CDH12: variants seen among roughly 807,000 people sequenced by gnomAD.
CDH12 encodes the protein cadherin-12.
CDH12 carries 41 observed loss-of-function variants against 74.1 expected under a neutral mutation model. The observed-to-expected ratio is 0.55, with a 90% CI of 0.43 to 0.72. The LOEUF (loss-of-function observed/expected upper bound fraction) is 0.72. CDH12 is among the 30% of genes least tolerant of loss of function. The pLI is 0.00. For missense variants in CDH12, 945 were observed against 977.2 expected, an observed-to-expected ratio of 0.97 and a Z score of 0.44; for synonymous variants, 399 against 355.0, an observed-to-expected ratio of 1.12 and a Z score of -1.39.
chr5:21,893,476 C>A (rs1752984009), intron 6 of CDH12, among the ~76,000 whole-genome samples: 3 of 152,132 alleles, frequency 2.0e-5, no homozygotes, highest in African/African-American at 7.2e-5. Context: ...ATTTGTGCAT[C>A]TTTTTCTTGC....
intron 2 of CDH12, among the ~76,000 whole-genome samples, chr5:22,418,079 T>A (rs1166377112): frequency 1.3e-4 from 20 of 152,326 alleles, no homozygotes; most frequent in Non-Finnish European, 1.5e-5. Context: ...CTCCTACCCA[T>A]GAGACTGGAA....
At chr5:22,371,986 C>A (rs1242008111) in intron 3 of CDH12, among the ~76,000 whole-genome samples, 1 of 152,114 alleles carries the variant, frequency 6.6e-6, no homozygotes, top group Non-Finnish European at 1.5e-5. Context: ...ATTCTTAACA[C>A]AAAGTTTGGA....
At chr5:22,582,434 T>G (rs2126785230) in intron 1 of CDH12, among the ~76,000 whole-genome samples, 1 of 152,314 alleles carries the variant, frequency 6.6e-6, no homozygotes, top group African/African-American at 2.4e-5. Flanking sequence ...CCACTTAAAA[T>G]AATGCTGTAA....
In CDH12 at chr5:22,806,158, C is replaced by T. The variant is rs190502526; in HGVS notation, c.-523+46900G>A. 3.2e-3 allele frequency among the ~76,000 whole-genome samples: 487 copies of T among 152,040 alleles called. 2 individuals are homozygous for T. Among genetic ancestry groups the T allele is most frequent in the African/African-American group, 0.011 (458 of 41,440 alleles). On this transcript the variant is annotated intron_variant, in intron 1 of 14. Coordinates refer to ENST00000382254, the MANE Select transcript of CDH12 (RefSeq NM_004061.5). Reference sequence around the variant, plus strand: ...CTTTATAGCAGCATGATTTATAATCCTTTGGATATATACCCAGTAATGGGA... The same window carrying T: ...CTTTATAGCAGCATGATTTATAATCTTTTGGATATATACCCAGTAATGGGA...
chr5:21,840,925 A>G (rs1304869238), intron 8 of CDH12, among the ~76,000 whole-genome samples: 1 of 152,020 alleles, frequency 6.6e-6, no homozygotes, highest in East Asian at 1.9e-4. Flanking sequence ...CCTAGGCATT[A>G]CCATTCAGGA....
At chr5:22,128,490 T>C (rs918563813) in intron 4 of CDH12, among the ~76,000 whole-genome samples, 14 of 152,304 alleles carry the variant, frequency 9.2e-5, no homozygotes, top group African/African-American at 3.4e-4. Context: ...TTTCTACACT[T>C]AAAACACTTC....
intron 10 of CDH12, among the ~76,000 whole-genome samples, chr5:21,784,499 C>A (rs1579695738): frequency 6.6e-6 from 1 of 152,070 alleles, no homozygotes; most frequent in African/African-American, 2.4e-5. Context: ...ATGTTTGAAC[C>A]AGGTCATCAA....
intron 3 of CDH12, among the ~76,000 whole-genome samples, chr5:22,337,849 C>A (rs887061414): frequency 2.0e-5 from 3 of 152,106 alleles, no homozygotes; most frequent in African/African-American, 7.2e-5. Context: ...AAGAGAAATG[C>A]CAGACAAAAC....
At chr5:22,156,138 G>A (rs1748007620) in intron 4 of CDH12, among the ~76,000 whole-genome samples, 1 of 152,064 alleles carries the variant, frequency 6.6e-6, no homozygotes, top group Admixed American at 6.6e-5. Flanking sequence ...ATGAAAGTGG[G>A]AACTGTGTGG....
intron 6 of CDH12, among the ~76,000 whole-genome samples, chr5:21,962,549 T>C (rs1336001867): frequency 4.6e-5 from 7 of 152,188 alleles, no homozygotes; most frequent in African/African-American, 9.6e-5. Context: ...GACTGCTTTT[T>C]TCCCCTTGAT....
chr5:22,072,026 C>T (rs1741972969), intron 5 of CDH12, among the ~76,000 whole-genome samples: 1 of 152,002 alleles, frequency 6.6e-6, no homozygotes, highest in Non-Finnish European at 1.5e-5. Context: ...ATATTCTACT[C>T]TAATTTCCCA....
Position 21,751,624 on chromosome 5 carries a change from G to GTT in CDH12, c.*112_*113insAA. ...CTTGTCCCAGAGTGTGTGTGTGTGTGTGTGTGTTTGTGTGTGTGTGTGTGT... is the reference window on the plus strand; with the variant it reads ...CTTGTCCCAGAGTGTGTGTGTGTGTGTTTGTGTGTTTGTGTGTGTGTGTGTGT... On this transcript the variant is annotated 3_prime_UTR_variant, in exon 15 of 15. Transcript: ENST00000382254. 1.5e-6 allele frequency: 1 copy of GTT among 679,780 alleles called. No individual in the cohort carries two copies. The allele number at this position is 679,780 out of a possible 1,614,324, so 42.1% of individuals were successfully genotyped here. A position where few individuals can be genotyped will look rare whatever the true frequency, so the allele number is the denominator to read the frequency against.
At chr5:22,606,418 C>T (rs1485287975) in intron 1 of CDH12, among the ~76,000 whole-genome samples, 1 of 152,154 alleles carries the variant, frequency 6.6e-6, no homozygotes, top group East Asian at 1.9e-4. Context: ...TAATAATCCC[C>T]ACATGTCAAG....
rs575916924 is a variant in CDH12, at chr5:22,518,935, C to A, written c.-522-13571G>T. ...CTCTTGGGAGACAGGCTTAGTCATC[C>A]CTGTAGGACTGCCTGACATGAGAAC... On this transcript the variant is annotated intron_variant, in intron 1 of 14. Coordinates refer to ENST00000382254, the MANE Select transcript of CDH12 (RefSeq NM_004061.5). Among the ~76,000 whole-genome samples, 12 of 152,166 alleles carry A rather than the reference C, an allele frequency of 7.9e-5. No homozygotes were observed. In the South Asian group the frequency reaches 1.9e-3, roughly 24 times the overall value.
At chr5:21,821,921 C>G (rs918373828) in intron 8 of CDH12, among the ~76,000 whole-genome samples, 5 of 151,548 alleles carry the variant, frequency 3.3e-5, no homozygotes, top group Non-Finnish European at 7.4e-5. Flanking sequence ...TTTTAAATTT[C>G]TTAAATATGT....
chr5:21,969,103 C>A (rs1022984653), intron 6 of CDH12, among the ~76,000 whole-genome samples: 3 of 151,604 alleles, frequency 2.0e-5, no homozygotes, highest in Non-Finnish European at 4.4e-5. Context: ...TGTAACAAAC[C>A]TGCACATCCT....
intron 6 of CDH12, among the ~76,000 whole-genome samples, chr5:21,919,074 A>T (rs1433587171): frequency 6.6e-6 from 1 of 152,150 alleles, no homozygotes; most frequent in Admixed American, 6.6e-5. Context: ...CATTAAACCA[A>T]TATGATAACT....
chr5:22,572,491 C>A, intron 1 of CDH12, among the ~76,000 whole-genome samples: 1 of 151,952 alleles, frequency 6.6e-6, no homozygotes, highest in East Asian at 1.9e-4. Context: ...GCTCCATTTT[C>A]CTCTAATTTC....
At chr5:22,477,334 G>A (rs116839170) in intron 2 of CDH12, among the ~76,000 whole-genome samples, 14 of 152,090 alleles carry the variant, frequency 9.2e-5, no homozygotes, top group African/African-American at 3.1e-4. Flanking sequence ...GAGAACATGT[G>A]GTTTTTGGTT....
Sources: allele counts gnomAD v4.1 joint callset (sites outside exome capture counted in the v4.1 genomes callset), GRCh38; gene constraint gnomAD v4.1.1; transcripts MANE v1.5; gene names NCBI Gene and HGNC (gene_info 2026-07-23, HGNC 2026-07-21).